The following SEPTIN7 variants were observed in gnomAD, a reference collection of about 807,000 sequenced individuals.
The protein encoded by SEPTIN7 is septin-7.
SEPTIN7 carries 10 observed loss-of-function variants against 63.3 expected under a neutral mutation model. The observed-to-expected ratio is 0.16, with a 90% confidence interval of 0.10 to 0.27. The LOEUF is 0.27. Among genes scored for constraint, SEPTIN7 ranks in the 10% least tolerant of loss-of-function variants. The pLI is 1.00. For synonymous variants in SEPTIN7, 131 were observed against 165.3 expected, an observed-to-expected ratio of 0.79 and a Z score of 1.59; for missense variants, 310 against 521.0, an observed-to-expected ratio of 0.59 and a Z score of 3.94.
intron 8 of SEPTIN7, 90 bp from the exon 9 acceptor site, chr7:35,883,800 TG>T (rs1316203017): frequency 6.4e-6 from 4 of 629,262 alleles, no homozygotes; most frequent in Admixed American, 3.4e-5. Context: ...TTTTTTTTTT[TG>T]GCTAACCTGT....
chr7:35,867,215 C>T (rs952389416), intron 4 of SEPTIN7, among the ~76,000 whole-genome samples: 1 of 152,056 alleles, frequency 6.6e-6, no homozygotes, highest in African/African-American at 2.4e-5. Context: ...AACATTTGAG[C>T]TCTACTTCAT....
intron 1 of SEPTIN7, among the ~76,000 whole-genome samples, chr7:35,820,781 C>G (rs959175885): frequency 1.7e-4 from 26 of 152,090 alleles, no homozygotes; most frequent in Admixed American, 1.0e-3. Context: ...TCATACTTTT[C>G]TCTTGAATAC....
chr7:35,875,468 G>A (rs1344477168), intron 6 of SEPTIN7, among the ~76,000 whole-genome samples: 1 of 152,078 alleles, frequency 6.6e-6, no homozygotes, highest in Non-Finnish European at 1.5e-5. Context: ...GTCTTGTCTG[G>A]GTAGTCCCTG....
At chr7:35,885,092 C>T (rs935409583) in intron 9 of SEPTIN7, among the ~76,000 whole-genome samples, 3 of 152,104 alleles carry the variant, frequency 2.0e-5, no homozygotes, top group East Asian at 3.9e-4. Context: ...CAAAGTGATC[C>T]TCCCACATCA....
intron 11 of SEPTIN7, among the ~76,000 whole-genome samples, chr7:35,893,899 A>C (rs559929537): frequency 5.4e-4 from 82 of 152,232 alleles, no homozygotes; most frequent in African/African-American, 1.8e-3. Context: ...TGCTGTTCTT[A>C]GCAGCTATCC....
At chr7:35,819,127 A>G (rs904768835) in intron 1 of SEPTIN7, among the ~76,000 whole-genome samples, 14 of 152,198 alleles carry the variant, frequency 9.2e-5, no homozygotes, top group African/African-American at 2.6e-4. Flanking sequence ...GCTGCATTCA[A>G]TACATTTTGG....
chr7:35,834,205 A>T (rs557730038), intron 3 of SEPTIN7, among the ~76,000 whole-genome samples: 1 of 152,160 alleles, frequency 6.6e-6, no homozygotes, highest in East Asian at 1.9e-4. Context: ...AACTGTAGAC[A>T]AATACAATTT....
the SEPTIN7 span, among the ~76,000 whole-genome samples, chr7:35,912,761 G>A: frequency 1.3e-5 from 2 of 152,206 alleles, no homozygotes; most frequent in Non-Finnish European, 1.5e-5. Flanking sequence ...TGAAGGAAAT[G>A]TCTGCCATCT....
downstream of SEPTIN7, among the ~76,000 whole-genome samples, chr7:35,910,725 G>A (rs1583668146): frequency 6.6e-6 from 1 of 152,246 alleles, no homozygotes; most frequent in South Asian, 2.1e-4. Context: ...TTACGGGACA[G>A]CCCATATACA....
intron 1 of SEPTIN7, among the ~76,000 whole-genome samples, chr7:35,816,684 ATTTC>A (rs946893930): frequency 5.3e-5 from 8 of 152,096 alleles, no homozygotes; most frequent in African/African-American, 1.9e-4. Context: ...CTTATTTTAC[ATTTC>A]TACCAGCAGT....
chr7:35,915,270 T>C, the SEPTIN7 span, among the ~76,000 whole-genome samples: 18 of 151,432 alleles, frequency 1.2e-4, no homozygotes, highest in East Asian at 3.3e-3. Flanking sequence ...TATATATATA[T>C]ACACACACAC....
intron 3 of SEPTIN7, among the ~76,000 whole-genome samples, chr7:35,852,036 CT>C (rs1181557445): frequency 1.3e-5 from 2 of 152,072 alleles, no homozygotes; most frequent in Admixed American, 1.3e-4. Context: ...ACCTTTGACC[CT>C]TATTCTTAGT....
At chr7:35,837,011 T>G (rs1177183818) in intron 3 of SEPTIN7, among the ~76,000 whole-genome samples, 1 of 152,140 alleles carries the variant, frequency 6.6e-6, no homozygotes, top group African/African-American at 2.4e-5. Flanking sequence ...AATGGTGAAT[T>G]TTATCTTAGA....
intron 1 of SEPTIN7, among the ~76,000 whole-genome samples, chr7:35,808,843 C>T (rs541395098): frequency 1.3e-5 from 2 of 152,276 alleles, no homozygotes; most frequent in South Asian, 4.2e-4. Context: ...ATGTCTGCCT[C>T]TGATAGACAT....
chr7:35,914,039 T>G, the SEPTIN7 span, among the ~76,000 whole-genome samples: 1 of 152,180 alleles, frequency 6.6e-6, no homozygotes, highest in South Asian at 2.1e-4. Flanking sequence ...CAGAATACTA[T>G]GTAGAAAGCG....
downstream of SEPTIN7, among the ~76,000 whole-genome samples, chr7:35,910,191 T>G (rs183981500): frequency 5.1e-4 from 77 of 152,304 alleles, no homozygotes; most frequent in African/African-American, 1.8e-3. Context: ...GTCACACACA[T>G]GATTTCCCAA....
chr7:35,823,783 C>T (rs375074129), intron 1 of SEPTIN7, among the ~76,000 whole-genome samples: 30 of 152,232 alleles, frequency 2.0e-4, no homozygotes, highest in Middle Eastern at 3.4e-3. Flanking sequence ...ATGGCTGTTA[C>T]GTATTCCTAG....
Position 35,906,441 on chromosome 7 carries a change from C to G in SEPTIN7, c.*2148C>G, listed in dbSNP as rs953223399. 6.6e-6 allele frequency: 1 copy of G among 152,180 alleles called. No homozygotes were observed. Among genetic ancestry groups the G allele is most frequent in the African/African-American group, 2.4e-5 (1 of 41,434 alleles). 9.4% of individuals were successfully genotyped at this position (152,180 alleles called of 1,614,324 possible). A position where few individuals can be genotyped will look rare whatever the true frequency, so the allele number is the denominator to read the frequency against. On this transcript the variant is annotated 3_prime_UTR_variant, in exon 14 of 14. Coordinates refer to ENST00000350320, the MANE Select transcript of SEPTIN7 (RefSeq NM_001788.6). Reference sequence around the variant, plus strand: ...GATCATTCACAATACATGTAAAATTCAGGTAGGCCTAAGGAAAGGCCAGCC... The same window carrying G: ...GATCATTCACAATACATGTAAAATTGAGGTAGGCCTAAGGAAAGGCCAGCC...
At position 35,819,726 on chromosome 7, in the gene SEPTIN7, T is replaced by G. The variant is rs73692286; in HGVS notation, c.62-11766T>G. Among the ~76,000 whole-genome samples the G allele has an allele frequency of 2.2e-4, 33 of 152,314 alleles. 1 individual carries two copies. The East Asian group carries it at 6.4e-3, about 29-fold the overall frequency. ...ACAATATGTCTTTTAAGTCTGTGTT[T>G]TCTGATATTAGTGTAGCTACTTCAG... On this transcript the variant is annotated intron_variant, in intron 1 of 13. Coordinates refer to ENST00000350320, the MANE Select transcript of SEPTIN7 (RefSeq NM_001788.6).
Sources: gnomAD v4.1 joint callset for allele counts (sites outside exome capture counted in the v4.1 genomes callset) on GRCh38, gnomAD v4.1.1 for gene constraint, MANE v1.5 for transcripts, NCBI Gene and HGNC (gene_info 2026-07-23, HGNC 2026-07-21) for gene names.